Variants in SGCD observed in about 807,000 individuals in gnomAD.
SGCD encodes sarcoglycan delta.
In SGCD, 18 loss-of-function variants were observed where a neutral mutation model predicts 36.6. That is an observed-to-expected ratio of 0.49 (90% CI 0.34 to 0.73). The LOEUF is 0.73. Ranked by LOEUF, SGCD falls within the 30% of genes least tolerant of loss-of-function variation. The pLI is 0.01. For synonymous variants in SGCD, 133 were observed against 130.6 expected (o/e 1.02, Z -0.12); for missense variants, 387 against 346.7 (o/e 1.12, Z -0.92).
At chr5:155,912,466 T>G (rs149125406) in intron 1 of SGCD, among the ~76,000 whole-genome samples, 51 of 152,310 alleles carry the variant, frequency 3.3e-4, no homozygotes, top group African/African-American at 1.2e-3. Context: ...CCTTGGGTTC[T>G]GTCCAAATGG....
chr5:156,074,722 T>C (rs1261117301), intron 1 of SGCD, among the ~76,000 whole-genome samples: 1 of 152,104 alleles, frequency 6.6e-6, no homozygotes, highest in African/African-American at 2.4e-5. Context: ...AAAGGGGAAT[T>C]TATCTGAGAA....
At chr5:155,826,210 A>C in the SGCD span, among the ~76,000 whole-genome samples, 2 of 152,206 alleles carry the variant, frequency 1.3e-5, no homozygotes, top group Non-Finnish European at 2.9e-5. Context: ...TATGTCTGTC[A>C]CATGTGTTTC....
In SGCD at chr5:156,301,425, C is replaced by T. The variant is rs573360185; in HGVS notation, c.-43-28109C>T. Among the ~76,000 whole-genome samples the T allele has an allele frequency of 6.6e-5, 10 of 151,996 alleles. No individual in the cohort carries two copies. In the South Asian group the frequency reaches 1.0e-3, roughly 16 times the overall value. On this transcript the variant is annotated intron_variant, in intron 3 of 9. Transcript: ENST00000517913. The stretch of plus-strand genomic sequence containing the variant: ...ACTTTACTACTCCCCTGCTTTATAA[C>T]CTTTGTTGTTTCTCTTTATATCTTA...
At chr5:156,710,246 A>T (rs1255766202) in intron 7 of SGCD, among the ~76,000 whole-genome samples, 5 of 152,340 alleles carry the variant, frequency 3.3e-5, no homozygotes, top group Non-Finnish European at 1.5e-5. Flanking sequence ...GAATGATTGG[A>T]TGCCAGTGCC....
intron 7 of SGCD, among the ~76,000 whole-genome samples, chr5:156,668,906 A>G (rs781746023): frequency 7.9e-5 from 12 of 152,042 alleles, no homozygotes; most frequent in Non-Finnish European, 1.6e-4. Flanking sequence ...TTCAATTGAG[A>G]CTCTAAGAGG....
chr5:156,388,823 C>T (rs1241357018), intron 3 of SGCD, among the ~76,000 whole-genome samples: 1 of 152,136 alleles, frequency 6.6e-6, no homozygotes, highest in African/African-American at 2.4e-5. Flanking sequence ...AAATATTTCC[C>T]TAAGCCTTTA....
the SGCD span, among the ~76,000 whole-genome samples, chr5:155,772,859 C>T: frequency 2.6e-5 from 4 of 152,120 alleles, no homozygotes; most frequent in African/African-American, 9.7e-5. Context: ...TTTTACCTCT[C>T]TTTCACCAGA....
chr5:156,752,363 G>A (rs886849364), intron 7 of SGCD, among the ~76,000 whole-genome samples: 3 of 152,168 alleles, frequency 2.0e-5, no homozygotes, highest in Admixed American at 2.0e-4. Flanking sequence ...TCTTAAAAAA[G>A]ATGATAATTA....
intron 3 of SGCD, among the ~76,000 whole-genome samples, chr5:156,144,799 A>G (rs1363901024): frequency 3.3e-5 from 5 of 152,132 alleles, no homozygotes; most frequent in Non-Finnish European, 7.4e-5. Context: ...TTTCTTCCTT[A>G]TGGAATGGGA....
At chr5:155,728,433 G>C in the SGCD span, among the ~76,000 whole-genome samples, 33 of 152,318 alleles carry the variant, frequency 2.2e-4, 1 homozygote, top group East Asian at 5.6e-3. Context: ...AAGCACCGGC[G>C]GGGAGGAGGA....
chr5:155,956,797 GC>G (rs35423272), intron 1 of SGCD, among the ~76,000 whole-genome samples: 36,720 of 143,042 alleles, frequency 0.26, 5,029 homozygotes, highest in South Asian at 0.39. Context: ...TGGACTCAGG[GC>G]CCCCCCCCCC....
chr5:156,443,132 G>A (rs756473326), intron 3 of SGCD, among the ~76,000 whole-genome samples: 3 of 151,942 alleles, frequency 2.0e-5, no homozygotes, highest in Non-Finnish European at 4.4e-5. Flanking sequence ...TTAGAGGCAC[G>A]CACCATCATG....
intron 1 of SGCD, among the ~76,000 whole-genome samples, chr5:156,053,819 G>T (rs1759985037): frequency 6.8e-6 from 1 of 146,478 alleles, no homozygotes; most frequent in Non-Finnish European, 1.5e-5. Context: ...GGCCTGCAAA[G>T]TTCAAAATCA....
intron 1 of SGCD, among the ~76,000 whole-genome samples, chr5:155,894,324 T>A (rs1198545125): frequency 6.6e-6 from 1 of 152,208 alleles, no homozygotes; most frequent in African/African-American, 2.4e-5. Context: ...TCCATTATAA[T>A]CTTATGGGAC....
chr5:156,215,495 T>C (rs1219806612), intron 3 of SGCD, among the ~76,000 whole-genome samples: 2 of 151,848 alleles, frequency 1.3e-5, no homozygotes, highest in African/African-American at 4.8e-5. Flanking sequence ...AGAAGACAAA[T>C]AACCTGATTT....
At chr5:156,203,073 C>T (rs895628228) in intron 3 of SGCD, among the ~76,000 whole-genome samples, 1 of 152,150 alleles carries the variant, frequency 6.6e-6, no homozygotes, top group African/African-American at 2.4e-5. Context: ...AATCATAAAA[C>T]TTTTTAAATT....
chr5:156,020,635 A>G (rs1041807467), intron 1 of SGCD, among the ~76,000 whole-genome samples: 1 of 152,192 alleles, frequency 6.6e-6, no homozygotes, highest in African/African-American at 2.4e-5. Context: ...TCAATCTTGA[A>G]TTATAGGTAT....
intron 3 of SGCD, among the ~76,000 whole-genome samples, chr5:156,176,151 G>GT (rs1763465694): frequency 1.3e-5 from 2 of 151,934 alleles, no homozygotes; most frequent in Non-Finnish European, 2.9e-5. Flanking sequence ...GTGTGTGTGT[G>GT]TTTGTGTGCG....
At chr5:155,729,414 T>G in the SGCD span, among the ~76,000 whole-genome samples, 1 of 152,028 alleles carries the variant, frequency 6.6e-6, no homozygotes, top group Non-Finnish European at 1.5e-5. Flanking sequence ...ATTAAAGAAG[T>G]GTGTGTGTGA....
Sources: allele counts gnomAD v4.1 joint callset (sites outside exome capture counted in the v4.1 genomes callset), GRCh38; gene constraint gnomAD v4.1.1; transcripts MANE v1.5; gene names NCBI Gene and HGNC (gene_info 2026-07-23, HGNC 2026-07-21).